Variants in SHPRH observed in about 807,000 individuals in gnomAD.
SHPRH encodes E3 ubiquitin-protein ligase SHPRH.
A neutral mutation model predicts 202.5 loss-of-function variants in SHPRH; 106 were observed. That is an observed-to-expected ratio of 0.52 (90% confidence interval 0.45 to 0.62). The LOEUF is 0.62. Among genes scored for constraint, SHPRH ranks in the 20% least tolerant of loss-of-function variants. The pLI, the probability that SHPRH is intolerant of heterozygous loss-of-function variation, is 0.00. For missense variants in SHPRH, 1,710 were observed against 2,020.0 expected (o/e 0.85, Z 2.94); for synonymous variants, 729 against 686.0 (o/e 1.06, Z -0.98).
At chr6:145,908,143 TTTTC>T (rs1168669472) in intron 25 of SHPRH, 1 of 152,202 alleles carries the variant, frequency 6.6e-6, no homozygotes, top group African/African-American at 2.4e-5. Context: ...ATGTACTATA[TTTTC>T]TTTATCTAGT....
At chr6:145,932,961 A>C in intron 14 of SHPRH, 96 bp downstream of exon 14, 3 of 1,321,004 alleles carry the variant, frequency 2.3e-6, no homozygotes, top group Non-Finnish European at 3.0e-6. Context: ...TTTGGGGGAA[A>C]AATCCCCCCC....
At chr6:145,863,115 A>G (rs1405600672), downstream of SHPRH, among the ~76,000 whole-genome samples, 1 of 152,252 alleles carries the variant, frequency 6.6e-6, no homozygotes, top group Non-Finnish European at 1.5e-5. Context: ...ACAAAGGTGA[A>G]TACAGGAATC....
At chr6:145,876,338 C>T (rs1344574269) in intron 2 of SHPRH, among the ~76,000 whole-genome samples, 2 of 152,162 alleles carry the variant, frequency 1.3e-5, no homozygotes, top group African/African-American at 4.8e-5. Context: ...ACTGCTACTG[C>T]ACTCCCATCT....
In SHPRH at chr6:145,963,722, G is replaced by A. The variant is rs1456854387; in HGVS notation, c.-33+9C>T. The A allele has an allele frequency of 4.6e-5, 7 of 151,998 alleles. No individual in the cohort carries two copies. The highest frequency in any genetic ancestry group is 8.8e-5 in the Non-Finnish European group (6 of 68,030). 9.4% of individuals were successfully genotyped at this position (151,998 alleles called of 1,614,324 possible). The stretch of plus-strand genomic sequence containing the variant: ...CTCCGGGGGTAGATCTGCGGCGCAC[G>A]GTACCCACTCAGTTATCTTCCGAAA... On this transcript the variant is annotated intron_variant, in intron 1 of 29. Transcript: ENST00000275233.
At chr6:145,950,173 T>A (rs1787828673) in intron 4 of SHPRH, 91 bp downstream of exon 4, 1 of 1,020,414 alleles carries the variant, frequency 9.8e-7, no homozygotes, top group African/African-American at 1.6e-5. Flanking sequence ...TTTCAGGATG[T>A]TTATTTTAAT....
chr6:145,952,317 A>C, intron 3 of SHPRH, 32 bp downstream of exon 3: 1 of 1,559,074 alleles, frequency 6.4e-7, no homozygotes, highest in Non-Finnish European at 8.7e-7. Flanking sequence ...CTCCTAAGTA[A>C]TAGCAATTTT....
intron 14 of SHPRH, among the ~76,000 whole-genome samples, chr6:145,928,597 A>G (rs1785116171): frequency 6.6e-6 from 1 of 151,946 alleles, no homozygotes; most frequent in Admixed American, 6.6e-5. Flanking sequence ...CTCATATATA[A>G]GTTTACATAC....
intron 25 of SHPRH, among the ~76,000 whole-genome samples, chr6:145,898,353 G>C (rs994301431): frequency 6.6e-6 from 1 of 152,056 alleles, no homozygotes; most frequent in Non-Finnish European, 1.5e-5. Flanking sequence ...CAAATGGAAA[G>C]ACATATGTTC....
At chr6:145,947,338 C>T (rs1032162581) in intron 6 of SHPRH, among the ~76,000 whole-genome samples, 155 bp downstream of exon 6, 1 of 152,052 alleles carries the variant, frequency 6.6e-6, no homozygotes, top group Admixed American at 6.6e-5. Flanking sequence ...ACCCCATTCT[C>T]TCTGCCCACT....
intron 11 of SHPRH, among the ~76,000 whole-genome samples, chr6:145,939,117 A>T (rs1347786442): frequency 6.6e-6 from 1 of 152,218 alleles, no homozygotes; most frequent in Non-Finnish European, 1.5e-5. Flanking sequence ...ATGTCCAAAT[A>T]CAACAGAGTA....
intron 25 of SHPRH, among the ~76,000 whole-genome samples, chr6:145,900,227 T>C (rs1391419236): frequency 2.6e-5 from 4 of 152,150 alleles, no homozygotes; most frequent in African/African-American, 9.7e-5. Flanking sequence ...GCATTATTCA[T>C]GGTAGCCAAG....
the SHPRH span, among the ~76,000 whole-genome samples, chr6:145,858,018 C>G: frequency 1.3e-5 from 2 of 152,170 alleles, no homozygotes; most frequent in South Asian, 4.1e-4. Flanking sequence ...CAATGTGATA[C>G]CACTATAGCC....
rs528407599 is a variant in SHPRH, at chr6:145,898,254, TA to T, written c.4516-3278del. Among the ~76,000 whole-genome samples, 259 of 152,020 alleles carry T rather than the reference TA, an allele frequency of 1.7e-3. 1 individual carries two copies. Among genetic ancestry groups the T allele is most frequent in the African/African-American group, 5.9e-3 (243 of 41,472 alleles). ...CAAGAAAAAATATTTTATAATGTCA[TA>T]AAAAAATGCTTAGGAGTAAATTTAA... On this transcript the variant is annotated intron_variant, in intron 25 of 29. Coordinates refer to ENST00000275233, the MANE Select transcript of SHPRH (RefSeq NM_001042683.3).
chr6:145,910,371 A>C (rs1339692514), intron 25 of SHPRH, 77 bp downstream of exon 25: 3 of 1,505,996 alleles, frequency 2.0e-6, no homozygotes, highest in East Asian at 2.3e-5. Flanking sequence ...TCTGATGTTC[A>C]TGCTTTCTTA....
At chr6:145,949,130 A>G (rs1787712037) in intron 4 of SHPRH, among the ~76,000 whole-genome samples, 1 of 152,118 alleles carries the variant, frequency 6.6e-6, no homozygotes, top group Non-Finnish European at 1.5e-5. Context: ...GCAAATTAGT[A>G]CAATCTCTAT....
downstream of SHPRH, among the ~76,000 whole-genome samples, chr6:145,861,082 G>A (rs1174883110): frequency 1.3e-5 from 2 of 151,884 alleles, no homozygotes; most frequent in Admixed American, 1.3e-4. Context: ...AATGATTTCT[G>A]GGATATCACA....
At chr6:145,876,086 A>C (rs1422858290) in intron 2 of SHPRH, among the ~76,000 whole-genome samples, 1 of 152,234 alleles carries the variant, frequency 6.6e-6, no homozygotes, top group East Asian at 1.9e-4. Context: ...AAAGTTGTGC[A>C]ACTATCACTA....
chr6:145,862,183 C>T (rs755082851), downstream of SHPRH, among the ~76,000 whole-genome samples: 2 of 152,078 alleles, frequency 1.3e-5, no homozygotes, highest in African/African-American at 4.8e-5. Flanking sequence ...AAAAGAAGGC[C>T]GGGCACGGTG....
At chr6:145,955,376 AG>A in intron 1 of SHPRH, 22 bp from the exon 2 acceptor site, 1 of 1,533,718 alleles carries the variant, frequency 6.5e-7, no homozygotes. Flanking sequence ...ATGAAACAAC[AG>A]GAGGTATAAC....
Sources: gnomAD v4.1 joint callset for allele counts (sites outside exome capture counted in the v4.1 genomes callset) on GRCh38, gnomAD v4.1.1 for gene constraint, MANE v1.5 for transcripts, NCBI Gene and HGNC (gene_info 2026-07-23, HGNC 2026-07-21) for gene names.